RCAN2: variants seen among roughly 807,000 people sequenced by gnomAD.
RCAN2 encodes calcipressin-2.
A neutral mutation model predicts 23.6 loss-of-function variants in RCAN2; 9 were observed. The ratio of observed to expected loss-of-function variants is 0.38; its 90% CI spans 0.23 to 0.67. The LOEUF (loss-of-function observed/expected upper bound fraction) is 0.67. RCAN2 is among the 30% of genes least tolerant of loss of function. The probability of loss-of-function intolerance (pLI) is 0.51; values close to 1 mark genes in which losing one functional copy is unlikely to be tolerated. For synonymous variants in RCAN2, 109 were observed against 115.7 expected, an observed-to-expected ratio of 0.94 and a Z score of 0.37; for missense variants, 273 against 302.3, an observed-to-expected ratio of 0.90 and a Z score of 0.72.
At chr6:46,410,344 C>T (rs1047676854) in intron 2 of RCAN2, among the ~76,000 whole-genome samples, 1 of 152,174 alleles carries the variant, frequency 6.6e-6, no homozygotes, top group Admixed American at 6.5e-5. Flanking sequence ...TATCTACCTA[C>T]CTACGTACCT....
intron 1 of RCAN2, among the ~76,000 whole-genome samples, chr6:46,480,233 T>A (rs1280579935): frequency 6.6e-6 from 1 of 152,204 alleles, no homozygotes; most frequent in African/African-American, 2.4e-5. Flanking sequence ...CTCAGTTTCC[T>A]CATCTAAAGA....
chr6:46,281,860 TA>T (rs56285543), intron 2 of RCAN2, among the ~76,000 whole-genome samples: 119,969 of 152,018 alleles, frequency 0.79, 47,647 homozygotes, highest in Non-Finnish European at 0.83. Flanking sequence ...CTAAGGCTTA[TA>T]AGTGGCTAGG....
intron 2 of RCAN2, among the ~76,000 whole-genome samples, chr6:46,289,351 G>C (rs1444020219): frequency 6.6e-6 from 1 of 152,198 alleles, no homozygotes; most frequent in South Asian, 2.1e-4. Flanking sequence ...AGAATCTTAA[G>C]TTGTTAAGCC....
chr6:46,228,387 T>C (rs935182262), intron 4 of RCAN2, among the ~76,000 whole-genome samples: 14 of 152,110 alleles, frequency 9.2e-5, no homozygotes, highest in East Asian at 1.9e-4. Context: ...TTAAAGTCTC[T>C]CATTATTATT....
chr6:46,297,279 G>A (rs573455624), intron 2 of RCAN2, among the ~76,000 whole-genome samples: 1 of 152,124 alleles, frequency 6.6e-6, no homozygotes, highest in Non-Finnish European at 1.5e-5. Flanking sequence ...CCAGGCCAGC[G>A]AGATGAGAAG....
chr6:46,393,380 G>A (rs946061235), intron 2 of RCAN2, among the ~76,000 whole-genome samples: 1 of 152,130 alleles, frequency 6.6e-6, no homozygotes, highest in Non-Finnish European at 1.5e-5. Flanking sequence ...AGAGTTCACT[G>A]AGATAATACA....
intron 2 of RCAN2, among the ~76,000 whole-genome samples, chr6:46,334,645 C>T (rs886190657): frequency 3.9e-5 from 6 of 152,136 alleles, no homozygotes; most frequent in African/African-American, 9.7e-5. Context: ...CCACATTCTC[C>T]GCATTGTGTA....
At chr6:46,420,940 A>C (rs1170976746) in intron 2 of RCAN2, among the ~76,000 whole-genome samples, 2 of 152,224 alleles carry the variant, frequency 1.3e-5, no homozygotes, top group Non-Finnish European at 2.9e-5. Context: ...ATGAATCAGC[A>C]CTGTGCTAGG....
chr6:46,371,473 A>G (rs1192763670), intron 2 of RCAN2, among the ~76,000 whole-genome samples: 1 of 152,194 alleles, frequency 6.6e-6, no homozygotes, highest in Admixed American at 6.5e-5. Context: ...ACCACCCAAC[A>G]TCATGAGCAA....
chr6:46,293,013 G>A (rs1008203785), intron 2 of RCAN2, among the ~76,000 whole-genome samples: 2 of 152,070 alleles, frequency 1.3e-5, no homozygotes, highest in Non-Finnish European at 2.9e-5. Context: ...TTGGAATGAT[G>A]GTTTCCAGCT....
At position 46,412,365 on chromosome 6, in the gene RCAN2, A is replaced by C. The variant is rs549055449; in HGVS notation, c.225+44387T>G. 6.1e-4 allele frequency among the ~76,000 whole-genome samples: 93 copies of C among 152,294 alleles called. 2 individuals are homozygous for C. Among genetic ancestry groups the C allele is most frequent in the Non-Finnish European group, 1.2e-3 (79 of 68,024 alleles). On this transcript the variant is annotated intron_variant, in intron 2 of 4. Coordinates refer to ENST00000371374, the MANE Select transcript of RCAN2 (RefSeq NM_001251974.2). ...TTATATGGGAATGTTCAGTAGACAAATCTGAGAGTCTGGAGTTCTGGGGTA... is the reference window on the plus strand; with the variant it reads ...TTATATGGGAATGTTCAGTAGACAACTCTGAGAGTCTGGAGTTCTGGGGTA...
At chr6:46,316,448 T>C (rs1453199303) in intron 2 of RCAN2, among the ~76,000 whole-genome samples, 2 of 152,202 alleles carry the variant, frequency 1.3e-5, no homozygotes, top group Non-Finnish European at 2.9e-5. Flanking sequence ...CTCTCCAGGA[T>C]GTCTCACTCT....
rs540583582 is a variant in RCAN2, at chr6:46,248,768, A to T, written c.354T>A (p.His118Gln). The change falls in exon 3 of 5, where the codon CAT becomes CAA. Residue 118 changes from histidine to glutamine, a missense_variant. Transcript: ENST00000371374. ...ATTTTTTCCCTCTGAATTGGGTTTC[A>T]TGAAGCTCTATCCTAGCTCGGGCTG... ...KSAARARIEL[H>Q]ETQFRGKKLK... is the part of the protein sequence containing the mutation. The T allele has an allele frequency of 6.2e-7, 1 of 1,613,010 alleles. No individual in the cohort carries two copies. The highest frequency in any genetic ancestry group is 1.3e-5 in the African/African-American group (1 of 74,806).
In RCAN2 at chr6:46,491,328, G is replaced by A. The variant is rs1488428005; in HGVS notation, c.-158C>T. 3 of 151,266 alleles carry A rather than the reference G, an allele frequency of 2.0e-5. No homozygotes were observed. Among genetic ancestry groups the A allele is most frequent in the Non-Finnish European group, 4.4e-5 (3 of 67,796 alleles). 9.4% of individuals were successfully genotyped at this position (151,266 alleles called of 1,614,324 possible). A position where few individuals can be genotyped will look rare whatever the true frequency, so the allele number is the denominator to read the frequency against. On this transcript the variant is annotated 5_prime_UTR_variant, in exon 1 of 5. Transcript: ENST00000371374. ...GCGGTGCCCGCGGGCCTTTGCGTGG[G>A]GCCGTACGCGGCGCGGCGCGCCCCG...
In RCAN2 at chr6:46,476,069, C is replaced by T. The variant is rs747665249; in HGVS notation, c.-3+15104G>A. 2.0e-5 allele frequency among the ~76,000 whole-genome samples: 3 copies of T among 152,088 alleles called. No individual in the cohort carries two copies. The South Asian group carries it at 6.2e-4, about 32-fold the overall frequency. On this transcript the variant is annotated intron_variant, in intron 1 of 4. Transcript: ENST00000371374. The stretch of plus-strand genomic sequence containing the variant: ...GTGGGTGATGCTGGGAATAGTAATG[C>T]CTTTCATCTTTTGTCACCTAAGCTT...
chr6:46,255,294 A>C (rs1766869881), intron 2 of RCAN2, among the ~76,000 whole-genome samples: 1 of 152,082 alleles, frequency 6.6e-6, no homozygotes, highest in Non-Finnish European at 1.5e-5. Context: ...GAGAAGAAAC[A>C]TGAAGGAATA....
intron 4 of RCAN2, among the ~76,000 whole-genome samples, chr6:46,239,022 G>A (rs150277568): frequency 6.6e-6 from 1 of 152,340 alleles, no homozygotes; most frequent in East Asian, 1.9e-4. Context: ...CAGAGGCACA[G>A]AGAAGTTAAG....
intron 2 of RCAN2, among the ~76,000 whole-genome samples, chr6:46,250,249 A>G (rs1171513011): frequency 6.6e-6 from 1 of 152,218 alleles, no homozygotes; most frequent in African/African-American, 2.4e-5. Context: ...GAAAAAATAT[A>G]TAGGCATTAT....
chr6:46,244,009 C>T (rs1028766538), intron 4 of RCAN2, among the ~76,000 whole-genome samples: 1 of 152,056 alleles, frequency 6.6e-6, no homozygotes, highest in African/African-American at 2.4e-5. Context: ...GACGATGTCA[C>T]CAACCAGCTG....
Sources: gnomAD v4.1 joint callset for allele counts (sites outside exome capture counted in the v4.1 genomes callset) on GRCh38, gnomAD v4.1.1 for gene constraint, MANE v1.5 for transcripts, NCBI Gene and HGNC (gene_info 2026-07-23, HGNC 2026-07-21) for gene names.